Variants in GNB1L observed in about 807,000 individuals in gnomAD.
The protein encoded by GNB1L is G protein subunit beta 1 like.
Under a neutral mutation model 29.1 loss-of-function variants are expected in GNB1L, and 20 were observed. The ratio of observed to expected loss-of-function variants is 0.69; its 90% CI spans 0.48 to 1.00. The LOEUF (loss-of-function observed/expected upper bound fraction) is 1.00, where lower values mean the gene tolerates loss of function less well. Among genes scored for constraint, GNB1L ranks in the 50% least tolerant of loss-of-function variants. The pLI, the probability that GNB1L is intolerant of heterozygous loss-of-function variation, is 0.00. For synonymous variants in GNB1L, 193 were observed against 206.5 expected (o/e 0.93, Z 0.56); for missense variants, 421 against 464.9 (o/e 0.91, Z 0.87).
chr22:19,851,682 A>G (rs1247822507), intron 2 of GNB1L: 1 of 1,596,348 alleles, frequency 6.3e-7, no homozygotes, highest in Non-Finnish European at 8.6e-7. Flanking sequence ...GGCAGGGGAC[A>G]GGTAACCACA....
intron 2 of GNB1L, among the ~76,000 whole-genome samples, chr22:19,826,747 A>G (rs1216489537): frequency 6.6e-6 from 1 of 151,698 alleles, no homozygotes; most frequent in African/African-American, 2.4e-5. Flanking sequence ...CACTGAGAAA[A>G]GCTAGCACTG....
intron 2 of GNB1L, chr22:19,847,995 C>T (rs80122683): frequency 1.0e-6 from 1 of 984,986 alleles, no homozygotes; most frequent in African/African-American, 1.8e-5. Context: ...ACACCTCTAG[C>T]CTGTACTAAA....
At chr22:19,796,130 G>T (rs571358766) in intron 7 of GNB1L, among the ~76,000 whole-genome samples, 4 of 152,332 alleles carry the variant, frequency 2.6e-5, no homozygotes, top group South Asian at 4.1e-4. Context: ...TTAATAGTTG[G>T]AAAAATAGGC....
intron 2 of GNB1L, chr22:19,846,519 T>C (rs1431417802): frequency 6.1e-6 from 6 of 985,308 alleles, no homozygotes; most frequent in South Asian, 4.7e-5. Flanking sequence ...CTGCCCAATA[T>C]AGCGCTGCCA....
chr22:19,847,948 CT>C (rs1938005401), intron 2 of GNB1L: 1 of 985,224 alleles, frequency 1.0e-6, no homozygotes. Flanking sequence ...GGGCCAACTG[CT>C]TTTACTGAAT....
chr22:19,833,936 A>T (rs1346760324), intron 2 of GNB1L, among the ~76,000 whole-genome samples: 1 of 151,070 alleles, frequency 6.6e-6, no homozygotes, highest in Non-Finnish European at 1.5e-5. Flanking sequence ...GAGTAAGTGA[A>T]ATTATTCAAT....
At chr22:19,837,762 G>A (rs760619768) in intron 2 of GNB1L, among the ~76,000 whole-genome samples, 2 of 152,148 alleles carry the variant, frequency 1.3e-5, no homozygotes, top group East Asian at 1.9e-4. Context: ...ATCCACACCT[G>A]GATATATCCA....
At position 19,826,568 on chromosome 22, in the gene GNB1L, G is replaced by A. The variant is rs183577874; in HGVS notation, c.-20-5193C>T. Among the ~76,000 whole-genome samples the A allele has an allele frequency of 2.0e-5, 3 of 152,246 alleles. No individual in the cohort carries two copies. In the East Asian group the frequency reaches 5.8e-4, roughly 29 times the overall value. Reference sequence around the variant, plus strand: ...ACTGCAACTACAAGTAGAGAGCAAGGGAGATGAAACATCATCACACAGATC... The same window carrying A: ...ACTGCAACTACAAGTAGAGAGCAAGAGAGATGAAACATCATCACACAGATC... On this transcript the variant is annotated intron_variant, in intron 2 of 7. Coordinates refer to ENST00000329517, the MANE Select transcript of GNB1L (RefSeq NM_053004.3).
intron 5 of GNB1L, among the ~76,000 whole-genome samples, chr22:19,810,988 G>T (rs993342542): frequency 6.6e-6 from 1 of 152,166 alleles, no homozygotes; most frequent in Non-Finnish European, 1.5e-5. Flanking sequence ...CGAGACCAGC[G>T]CATGGAGCAC....
At chr22:19,799,802 C>T (rs1475035690) in intron 7 of GNB1L, among the ~76,000 whole-genome samples, 1 of 152,238 alleles carries the variant, frequency 6.6e-6, no homozygotes, top group African/African-American at 2.4e-5. Flanking sequence ...AGGCAGCTCA[C>T]CTCCGAAAGC....
At chr22:19,791,358 A>G (rs1396644226) in intron 7 of GNB1L, among the ~76,000 whole-genome samples, 3 of 152,262 alleles carry the variant, frequency 2.0e-5, no homozygotes, top group Non-Finnish European at 2.9e-5. Flanking sequence ...TTCTTGCTGT[A>G]AACAACCATA....
intron 4 of GNB1L, among the ~76,000 whole-genome samples, chr22:19,817,911 G>A (rs1298440057): frequency 3.3e-5 from 5 of 152,224 alleles, no homozygotes; most frequent in Admixed American, 6.5e-5. Context: ...ACACCCTGCC[G>A]AGGTGGCTGT....
Position 19,820,690 on chromosome 22 carries a change from C to T in GNB1L, c.162G>A (p.Leu54=). The change falls in exon 4 of 8, where the codon CTG becomes CTA. Residue 54 remains leucine (L), a synonymous_variant. Transcript: ENST00000329517. The part of the protein sequence containing the change: ...SQSGLVHIWS[L]QTRRAVTTLD... ...GGGTGGTAACCGCTCTCCGCGTCTG[C>T]AGGCTCCAGATGTGTACCAGGCCAC... The T allele has an allele frequency of 6.2e-7, 1 of 1,613,686 alleles. No homozygotes were observed.
chr22:19,801,742 G>C (rs1003138596), intron 7 of GNB1L, among the ~76,000 whole-genome samples: 2 of 149,768 alleles, frequency 1.3e-5, no homozygotes, highest in Non-Finnish European at 2.9e-5. Context: ...CCTGGACTCT[G>C]CGTGCCTTTC....
chr22:19,817,673 A>T (rs1354173556), intron 4 of GNB1L, among the ~76,000 whole-genome samples: 4 of 152,160 alleles, frequency 2.6e-5, no homozygotes, highest in African/African-American at 9.7e-5. Flanking sequence ...ATTCATAAAT[A>T]TAGCAAAAAT....
At chr22:19,807,565 T>C (rs1230694467) in intron 5 of GNB1L, among the ~76,000 whole-genome samples, 1 of 152,212 alleles carries the variant, frequency 6.6e-6, no homozygotes. Flanking sequence ...TCCTGGTGCA[T>C]GTTTTACATA....
intron 2 of GNB1L, chr22:19,848,183 G>A (rs1938010739): frequency 5.1e-6 from 5 of 985,260 alleles, no homozygotes; most frequent in Non-Finnish European, 6.0e-6. Context: ...CCATCTCACA[G>A]CACCCATCAT....
chr22:19,847,187 G>A, intron 2 of GNB1L: 1 of 985,430 alleles, frequency 1.0e-6, no homozygotes, highest in Non-Finnish European at 1.2e-6. Context: ...GTCCAGGTAG[G>A]CTGTCGTCAG....
chr22:19,842,662 A>T (rs897077010), intron 2 of GNB1L, among the ~76,000 whole-genome samples: 4 of 152,258 alleles, frequency 2.6e-5, no homozygotes, highest in African/African-American at 7.2e-5. Context: ...GAGCCTGCTC[A>T]GATGGTGAGG....
Sources: allele counts gnomAD v4.1 joint callset (sites outside exome capture counted in the v4.1 genomes callset), GRCh38; gene constraint gnomAD v4.1.1; transcripts MANE v1.5; gene names NCBI Gene and HGNC (gene_info 2026-07-23, HGNC 2026-07-21).